Variants in FHL1 observed in about 807,000 individuals in gnomAD.
FHL1 encodes the protein four and a half LIM domains 1.
A neutral mutation model predicts 20.3 loss-of-function variants in FHL1; 1 was observed. The ratio of observed to expected loss-of-function variants is 0.05; its 90% CI spans 0.02 to 0.23. FHL1 has a LOEUF of 0.23. Ranked by LOEUF, FHL1 falls within the 10% of genes least tolerant of loss-of-function variation. FHL1 has a pLI of 1.00. For synonymous variants in FHL1, 82 were observed against 88.9 expected, an observed-to-expected ratio of 0.92 and a Z score of 0.44; for missense variants, 177 against 234.0, an observed-to-expected ratio of 0.76 and a Z score of 1.59.
At chrX:136,176,080 C>T (rs752210460) in intron 2 of FHL1, among the ~76,000 whole-genome samples, 2 of 112,115 alleles carry the variant, frequency 1.8e-5, no homozygotes, top group African/African-American at 3.2e-5. Flanking sequence ...CTCTTTCTTC[C>T]GTATTTGGTG....
At chrX:136,177,140 AT>A (rs1421903443) in intron 2 of FHL1, among the ~76,000 whole-genome samples, 2 of 111,992 alleles carry the variant, frequency 1.8e-5, no homozygotes, top group Non-Finnish European at 3.8e-5. Flanking sequence ...TTTTGTCAGA[AT>A]ACCAAATCAA....
intron 1 of FHL1, chrX:136,148,579 CAG>C (rs1295640963): frequency 4.5e-5 from 5 of 111,429 alleles, no homozygotes; most frequent in South Asian, 3.8e-4. Context: ...GGCTCTGGGA[CAG>C]AGGTTTCTGC....
At chrX:136,183,554 T>C (rs1264210636) in intron 2 of FHL1, among the ~76,000 whole-genome samples, 1 of 112,170 alleles carries the variant, frequency 8.9e-6, no homozygotes, top group East Asian at 2.8e-4. Flanking sequence ...TTTATTAGCG[T>C]TTAGATGTTA....
At chrX:136,150,519 A>G (rs932939369) in intron 1 of FHL1, among the ~76,000 whole-genome samples, 1 of 111,385 alleles carries the variant, frequency 9.0e-6, no homozygotes, top group Non-Finnish European at 1.9e-5. Flanking sequence ...TGAACTATCT[A>G]GTTGTTTGGA....
intron 2 of FHL1, among the ~76,000 whole-genome samples, chrX:136,184,204 C>T (rs890094876): frequency 1.8e-5 from 2 of 111,840 alleles, no homozygotes; most frequent in African/African-American, 6.5e-5. Flanking sequence ...AAATCTCCAG[C>T]CCTTTAAACA....
rs1349443153 is a variant in FHL1, at chrX:136,210,951, A to C, written c.*926A>C. ...AGTAACCGCAAAACTCTAGAGGGGG[A>C]GTTGAGCAGGCGCCAGGGCTGTCAT... On this transcript the variant is annotated 3_prime_UTR_variant, in exon 6 of 6. Coordinates refer to ENST00000370683, the MANE Select transcript of FHL1 (RefSeq NM_001159699.2). The C allele has an allele frequency of 2.6e-6, 1 of 379,318 alleles. No individual in the cohort carries two copies. Among genetic ancestry groups the C allele is most frequent in the African/African-American group, 2.5e-5 (1 of 40,150 alleles). 31.3% of individuals were successfully genotyped at this position (379,318 alleles called of 1,213,427 possible). A position where few individuals can be genotyped will look rare whatever the true frequency, so the allele number is the denominator to read the frequency against.
intron 1 of FHL1, among the ~76,000 whole-genome samples, chrX:136,148,969 A>G (rs2072189578): frequency 8.9e-6 from 1 of 112,196 alleles, no homozygotes; most frequent in Non-Finnish European, 1.9e-5. Flanking sequence ...TCCCTTCGGG[A>G]TTATCCGAGC....
At chrX:136,170,912 A>G (rs1054455018) in intron 2 of FHL1, among the ~76,000 whole-genome samples, 33 of 111,879 alleles carry the variant, frequency 2.9e-4, no homozygotes, top group African/African-American at 1.0e-3. Flanking sequence ...GTTAGGGTAC[A>G]TGCTCAGCAG....
intron 5 of FHL1, 60 bp downstream of exon 5, chrX:136,208,701 C>G (rs1411855449): frequency 4.8e-5 from 52 of 1,077,616 alleles, no homozygotes; most frequent in Non-Finnish European, 6.4e-5. Context: ...GTAACCATCT[C>G]TCATTTTCCT....
intron 1 of FHL1, among the ~76,000 whole-genome samples, chrX:136,158,510 A>G (rs1255304766): frequency 9.0e-6 from 1 of 110,940 alleles, no homozygotes; most frequent in Non-Finnish European, 1.9e-5. Flanking sequence ...CCGTATCCTG[A>G]TGCCACTTCT....
upstream of FHL1, among the ~76,000 whole-genome samples, chrX:136,194,914 A>G (rs1195226995): frequency 2.7e-5 from 3 of 111,375 alleles, no homozygotes; most frequent in African/African-American, 9.8e-5. Flanking sequence ...GGTAGTGGTC[A>G]TGCTTCATGA....
rs1388821431 is a variant in FHL1, at chrX:136,210,537, C to T, written c.*512C>T. ...CCTCATCAGAACTCTGCCCTTCCTT[C>T]TGTTCTTTTGTGCTTTCAAATAACT... On this transcript the variant is annotated 3_prime_UTR_variant, in exon 6 of 6. Transcript: ENST00000370683. The T allele has an allele frequency of 2.6e-6, 1 of 389,636 alleles. No individual in the cohort carries two copies. The highest frequency in any genetic ancestry group is 4.8e-6 in the Non-Finnish European group (1 of 207,622). 32.1% of individuals were successfully genotyped at this position (389,636 alleles called of 1,213,427 possible). A position where few individuals can be genotyped will look rare whatever the true frequency, so the allele number is the denominator to read the frequency against.
chrX:136,146,874 T>C (rs891441823), upstream of FHL1: 1 of 329,456 alleles, frequency 3.0e-6, no homozygotes, highest in Non-Finnish European at 5.9e-6. Context: ...ATGGGGCTTA[T>C]TTAGCTCCCT....
intron 2 of FHL1, among the ~76,000 whole-genome samples, chrX:136,186,002 TAAGG>T (rs1262270168): frequency 8.9e-6 from 1 of 111,779 alleles, no homozygotes; most frequent in Non-Finnish European, 1.9e-5. Flanking sequence ...TTTAAATAGA[TAAGG>T]AAGACAGCAT....
At chrX:136,189,284 G>T (rs1018141617) in intron 2 of FHL1, among the ~76,000 whole-genome samples, 3 of 111,202 alleles carry the variant, frequency 2.7e-5, no homozygotes, top group African/African-American at 9.8e-5. Context: ...TTCTCCCCAG[G>T]TCTCCATCAT....
chrX:136,164,627 A>G (rs1304397340), intron 1 of FHL1, among the ~76,000 whole-genome samples: 3 of 111,869 alleles, frequency 2.7e-5, no homozygotes, highest in Non-Finnish European at 3.8e-5. Flanking sequence ...GCATCCAGAA[A>G]TGGCTCACAG....
intron 2 of FHL1, among the ~76,000 whole-genome samples, chrX:136,172,654 T>C (rs777794028): frequency 8.6e-4 from 97 of 113,353 alleles, no homozygotes; most frequent in Non-Finnish European, 1.6e-3. Flanking sequence ...ACACTCTATT[T>C]TTAAAACGTT....
chrX:136,209,100 T>C, intron 5 of FHL1: 1 of 515,585 alleles, frequency 1.9e-6, no homozygotes, highest in Non-Finnish European at 3.1e-6. Context: ...TTATTTGTTT[T>C]TGCGATCAGC....
Position 136,210,185 on chromosome X carries a change from C to T in FHL1, c.*160C>T, listed in dbSNP as rs753512260. ...TTTTACAGTATTACTCAAATAAGGG[C>T]ACACAGTGATCATATTAGCATTTAG... On this transcript the variant is annotated 3_prime_UTR_variant, in exon 6 of 6. Coordinates refer to ENST00000370683, the MANE Select transcript of FHL1 (RefSeq NM_001159699.2). 7.3e-5 allele frequency: 57 copies of T among 779,966 alleles called. No individual in the cohort carries two copies. Among genetic ancestry groups the T allele is most frequent in the Non-Finnish European group, 1.1e-4 (56 of 520,033 alleles). 64.3% of individuals were successfully genotyped at this position (779,966 alleles called of 1,213,427 possible).
Sources: allele counts gnomAD v4.1 joint callset (sites outside exome capture counted in the v4.1 genomes callset), GRCh38; gene constraint gnomAD v4.1.1; transcripts MANE v1.5; gene names NCBI Gene and HGNC (gene_info 2026-07-23, HGNC 2026-07-21).